Variants in TECPR2 observed in about 807,000 individuals in gnomAD.
The protein encoded by TECPR2 is tectonin beta-propeller repeat containing 2.
Under a neutral mutation model 138.1 loss-of-function variants are expected in TECPR2, and 65 were observed. The observed-to-expected ratio is 0.47, with a 90% CI of 0.39 to 0.58. The LOEUF is 0.58. Ranked by LOEUF, TECPR2 falls within the 20% of genes least tolerant of loss-of-function variation. TECPR2 has a pLI of 0.00. For missense variants in TECPR2, 1,553 were observed against 1,824.5 expected, an observed-to-expected ratio of 0.85 and a Z score of 2.71; for synonymous variants, 746 against 749.8, an observed-to-expected ratio of 0.99 and a Z score of 0.08.
intron 2 of TECPR2, among the ~76,000 whole-genome samples, chr14:102,399,587 T>C (rs1888414719): frequency 6.6e-6 from 1 of 152,134 alleles, no homozygotes; most frequent in African/African-American, 2.4e-5. Flanking sequence ...TCCCATCACT[T>C]TGGGAGGCCG....
At chr14:102,402,432 A>G (rs1225035362) in intron 2 of TECPR2, among the ~76,000 whole-genome samples, 1 of 152,132 alleles carries the variant, frequency 6.6e-6, no homozygotes, top group Non-Finnish European at 1.5e-5. Context: ...AAATATATAC[A>G]TTAAAAAATA....
At chr14:102,444,528 AT>A (rs979836216) in intron 12 of TECPR2, among the ~76,000 whole-genome samples, 47 of 146,876 alleles carry the variant, frequency 3.2e-4, no homozygotes, top group African/African-American at 3.5e-4. Flanking sequence ...TTATTAAGCT[AT>A]TTTTTTTTTT....
chr14:102,465,034 A>C, intron 16 of TECPR2, 107 bp from the exon 17 acceptor site: 1 of 1,370,994 alleles, frequency 7.3e-7, no homozygotes, highest in Non-Finnish European at 1.0e-6. Context: ...TTGCAAATGC[A>C]GCCTCATTTC....
intron 16 of TECPR2, among the ~76,000 whole-genome samples, chr14:102,453,853 G>A (rs963538671): frequency 6.7e-6 from 1 of 148,506 alleles, no homozygotes; most frequent in African/African-American, 2.5e-5. Flanking sequence ...TGGGGAGAAA[G>A]AAAGCAAGAA....
intron 1 of TECPR2, among the ~76,000 whole-genome samples, chr14:102,370,712 A>T (rs1372793884): frequency 6.6e-6 from 1 of 152,214 alleles, no homozygotes; most frequent in East Asian, 1.9e-4. Context: ...AGCTTTGCAC[A>T]TCAGGAAAAT....
chr14:102,459,587 T>C (rs917805226), intron 16 of TECPR2, among the ~76,000 whole-genome samples: 2 of 152,086 alleles, frequency 1.3e-5, no homozygotes, highest in African/African-American at 4.8e-5. Flanking sequence ...CTGGCCAACA[T>C]GGTGAAACCC....
At chr14:102,394,286 C>G (rs1226942106) in intron 2 of TECPR2, among the ~76,000 whole-genome samples, 1 of 152,132 alleles carries the variant, frequency 6.6e-6, no homozygotes, top group African/African-American at 2.4e-5. Context: ...AATCCTGACT[C>G]TTGATTTTCA....
In TECPR2 at chr14:102,500,726, T is replaced by A. The variant is rs937900138; in HGVS notation, c.*2469T>A. The A allele has an allele frequency of 6.6e-6, 1 of 152,244 alleles. No individual in the cohort carries two copies. The highest frequency in any genetic ancestry group is 2.4e-5 in the African/African-American group (1 of 41,466). 9.4% of individuals were successfully genotyped at this position (152,244 alleles called of 1,614,324 possible). A position where few individuals can be genotyped will look rare whatever the true frequency, so the allele number is the denominator to read the frequency against. ...GGACTACACACATTATGGAAAGACCTCATTCTTTCCAAAGGAATTTATAGG... is the reference window on the plus strand; with the variant it reads ...GGACTACACACATTATGGAAAGACCACATTCTTTCCAAAGGAATTTATAGG... On this transcript the variant is annotated 3_prime_UTR_variant, in exon 20 of 20. Coordinates refer to ENST00000359520, the MANE Select transcript of TECPR2 (RefSeq NM_014844.5).
At position 102,498,973 on chromosome 14, in the gene TECPR2, A is replaced by C. The variant is rs966777722; in HGVS notation, c.*716A>C. On this transcript the variant is annotated 3_prime_UTR_variant, in exon 20 of 20. Coordinates refer to ENST00000359520, the MANE Select transcript of TECPR2 (RefSeq NM_014844.5). ...ACCACAGCACACCTCACCACACAAC[A>C]CACCACACCCCACACCGCACTGCAC... 20 of 694,260 alleles carry C rather than the reference A, an allele frequency of 2.9e-5. No individual in the cohort carries two copies. In the Admixed American group the frequency reaches 3.6e-4, roughly 13 times the overall value. 43.0% of individuals were successfully genotyped at this position (694,260 alleles called of 1,614,324 possible).
chr14:102,437,832 C>T (rs768431610), intron 9 of TECPR2, among the ~76,000 whole-genome samples, 190 bp from the exon 10 acceptor site: 1 of 152,108 alleles, frequency 6.6e-6, no homozygotes, highest in Non-Finnish European at 1.5e-5. Context: ...CAGCAGCACG[C>T]GTCTCAGAAG....
At chr14:102,387,529 CT>C (rs1368242295) in intron 2 of TECPR2, among the ~76,000 whole-genome samples, 277 of 141,430 alleles carry the variant, frequency 2.0e-3, no homozygotes, top group African/African-American at 2.7e-3. Flanking sequence ...TCAGAGCTGT[CT>C]TTTTTTTTTT....
At chr14:102,405,905 G>T (rs1888645881) in intron 2 of TECPR2, among the ~76,000 whole-genome samples, 2 of 152,230 alleles carry the variant, frequency 1.3e-5, no homozygotes, top group South Asian at 2.1e-4. Context: ...AAGATACTGT[G>T]TTAAGGAGAT....
intron 13 of TECPR2, 45 bp from the exon 14 acceptor site, chr14:102,449,584 G>A: frequency 6.2e-7 from 1 of 1,609,174 alleles, no homozygotes; most frequent in South Asian, 1.1e-5. Context: ...GTCTACACTT[G>A]TAACTGCTCT....
In TECPR2 at chr14:102,498,433, G is replaced by A. The variant is rs1016819471; in HGVS notation, c.*176G>A. ...TTTCTGTCTCGTTCCAGAACCCACA[G>A]CCTCCACCCGTGGCTGGCGTGATTG... is the stretch of plus-strand genomic sequence containing the variant. On this transcript the variant is annotated 3_prime_UTR_variant, in exon 20 of 20. Coordinates refer to ENST00000359520, the MANE Select transcript of TECPR2 (RefSeq NM_014844.5). 50 of 838,544 alleles carry A rather than the reference G, an allele frequency of 6.0e-5. No homozygotes were observed. In the Admixed American group the frequency reaches 1.2e-3, roughly 21 times the overall value. 51.9% of individuals were successfully genotyped at this position (838,544 alleles called of 1,614,324 possible). A position where few individuals can be genotyped will look rare whatever the true frequency, so the allele number is the denominator to read the frequency against.
chr14:102,416,306 A>C (rs1889022504), intron 5 of TECPR2, among the ~76,000 whole-genome samples: 1 of 152,078 alleles, frequency 6.6e-6, no homozygotes, highest in East Asian at 1.9e-4. Context: ...TTTTTAGTAG[A>C]GACAGGGTTT....
At chr14:102,483,750 T>A (rs1362076765) in intron 17 of TECPR2, among the ~76,000 whole-genome samples, 1 of 149,654 alleles carries the variant, frequency 6.7e-6, no homozygotes, top group Non-Finnish European at 1.5e-5. Context: ...GCACCCCTCC[T>A]GTTTTCTGTC....
At chr14:102,441,881 ACTGTGGGG>A (rs1889845337) in intron 11 of TECPR2, among the ~76,000 whole-genome samples, 4 of 152,322 alleles carry the variant, frequency 2.6e-5, no homozygotes, top group South Asian at 4.1e-4. Flanking sequence ...ATCTGGAAGG[ACTGTGGGG>A]CAGGAGTTAT....
At chr14:102,442,224 G>A (rs1178440025) in intron 11 of TECPR2, among the ~76,000 whole-genome samples, 2 of 152,290 alleles carry the variant, frequency 1.3e-5, no homozygotes, top group Middle Eastern at 3.4e-3. Context: ...TGATCCGCCC[G>A]CCTCAGCCTC....
rs114366201 is a variant in TECPR2, at chr14:102,363,692, G to A, written c.-73+576G>A. Among the ~76,000 whole-genome samples the A allele has an allele frequency of 7.3e-3, 1,115 of 152,342 alleles. 11 individuals carry two copies. The highest frequency in any genetic ancestry group is 0.025 in the African/African-American group (1,033 of 41,584). Reference sequence around the variant, plus strand: ...GTGTCCTGGAGTCAGAGCCGGGCAGGTCCCAGCGGCCCCTTCCTAGCTCTG... The same window carrying A: ...GTGTCCTGGAGTCAGAGCCGGGCAGATCCCAGCGGCCCCTTCCTAGCTCTG... On this transcript the variant is annotated intron_variant, in intron 1 of 19. Coordinates refer to ENST00000359520, the MANE Select transcript of TECPR2 (RefSeq NM_014844.5).
Sources: gnomAD v4.1 joint callset for allele counts (sites outside exome capture counted in the v4.1 genomes callset) on GRCh38, gnomAD v4.1.1 for gene constraint, MANE v1.5 for transcripts, NCBI Gene and HGNC (gene_info 2026-07-23, HGNC 2026-07-21) for gene names.